Variants in IGF1 observed in about 807,000 individuals in gnomAD.
IGF1 encodes the protein insulin-like growth factor 1.
IGF1 carries 4 observed loss-of-function variants against 13.8 expected under a neutral mutation model. The ratio of observed to expected loss-of-function variants is 0.29; its 90% CI spans 0.14 to 0.66. IGF1 has a LOEUF of 0.66. IGF1 is among the 30% of genes least tolerant of loss of function. IGF1 has a pLI of 0.78. For missense variants in IGF1, 124 were observed against 188.5 expected, an observed-to-expected ratio of 0.66 and a Z score of 2.00; for synonymous variants, 76 against 72.6, an observed-to-expected ratio of 1.05 and a Z score of -0.23.
chr12:102,467,493 A>G (rs1289039915), intron 2 of IGF1, among the ~76,000 whole-genome samples: 3 of 152,238 alleles, frequency 2.0e-5, no homozygotes, highest in African/African-American at 7.2e-5. Context: ...GAGAGTGACC[A>G]TAGAGTCAGA....
chr12:102,453,173 A>G (rs1217864574), intron 2 of IGF1, among the ~76,000 whole-genome samples: 1 of 152,200 alleles, frequency 6.6e-6, no homozygotes, highest in Non-Finnish European at 1.5e-5. Flanking sequence ...GCATTCTTTT[A>G]CAGTCAAGCA....
At chr12:102,415,441 C>T (rs2136981633) in intron 3 of IGF1, among the ~76,000 whole-genome samples, 1 of 152,208 alleles carries the variant, frequency 6.6e-6, no homozygotes, top group South Asian at 2.1e-4. Flanking sequence ...AAGATAATTG[C>T]TTTAGAGTTG....
chr12:102,423,403 T>A (rs1036064770), intron 2 of IGF1, among the ~76,000 whole-genome samples: 1 of 151,906 alleles, frequency 6.6e-6, no homozygotes, highest in Non-Finnish European at 1.5e-5. Context: ...TAGGCATGTA[T>A]AACATTCCAC....
At chr12:102,441,927 T>TCTTCTTCTTCTCCTTCTC (rs1877818349) in intron 2 of IGF1, among the ~76,000 whole-genome samples, 1 of 127,746 alleles carries the variant, frequency 7.8e-6, no homozygotes, top group Admixed American at 9.3e-5. Context: ...TTCTTCTTCT[T>TCTTCTTCTTCTCCTTCTC]CTTCTTCTTC....
chr12:102,444,156 G>T (rs975611230), intron 2 of IGF1, among the ~76,000 whole-genome samples: 1 of 152,018 alleles, frequency 6.6e-6, no homozygotes, highest in African/African-American at 2.4e-5. Context: ...GGCAGGCATT[G>T]GTGCTGCTAT....
intron 1 of IGF1, among the ~76,000 whole-genome samples, chr12:102,477,680 A>G (rs1286290145): frequency 6.6e-6 from 1 of 151,960 alleles, no homozygotes; most frequent in Non-Finnish European, 1.5e-5. Context: ...GCATACCCCC[A>G]CACTGCGGGA....
At chr12:102,414,029 T>G (rs943980446) in intron 3 of IGF1, among the ~76,000 whole-genome samples, 7 of 152,228 alleles carry the variant, frequency 4.6e-5, no homozygotes, top group Admixed American at 3.3e-4. Flanking sequence ...TGGCTTCTAC[T>G]TCAGGAGACC....
chr12:102,443,305 T>C (rs760895490), intron 2 of IGF1, among the ~76,000 whole-genome samples: 1 of 152,116 alleles, frequency 6.6e-6, no homozygotes, highest in Non-Finnish European at 1.5e-5. Flanking sequence ...GGATCCTTCA[T>C]TAAAAGACAA....
intron 3 of IGF1, among the ~76,000 whole-genome samples, chr12:102,414,310 A>G (rs373517112): frequency 6.6e-6 from 1 of 152,302 alleles, no homozygotes; most frequent in South Asian, 2.1e-4. Flanking sequence ...TGAGGCACAC[A>G]TAAGTTACAT....
intron 2 of IGF1, among the ~76,000 whole-genome samples, chr12:102,420,203 G>A (rs1164617043): frequency 1.3e-5 from 2 of 152,130 alleles, no homozygotes; most frequent in Non-Finnish European, 2.9e-5. Context: ...TGAAAACTGA[G>A]ACTCAGAGGT....
chr12:102,468,563 C>A (rs1396200009), intron 2 of IGF1, among the ~76,000 whole-genome samples: 1 of 152,200 alleles, frequency 6.6e-6, no homozygotes, highest in Non-Finnish European at 1.5e-5. Flanking sequence ...TCAAATAACA[C>A]CTCTTTGCTA....
intron 3 of IGF1, among the ~76,000 whole-genome samples, chr12:102,409,870 TCTTTTTAATTTA>T (rs554412318): frequency 8.3e-4 from 127 of 152,370 alleles, no homozygotes; most frequent in African/African-American, 2.9e-3. Context: ...CTATTATGAT[TCTTTTTAATTTA>T]CTTTTTAATT....
At chr12:102,475,887 A>G (rs1566009748) in intron 1 of IGF1, 88 bp from the exon 2 acceptor site, 4 of 1,316,586 alleles carry the variant, frequency 3.0e-6, no homozygotes, top group Non-Finnish European at 4.3e-6. Flanking sequence ...GACTCCCACG[A>G]TTCCACGACT....
At chr12:102,425,710 G>A (rs1298549832) in intron 2 of IGF1, among the ~76,000 whole-genome samples, 1 of 152,212 alleles carries the variant, frequency 6.6e-6, no homozygotes, top group Admixed American at 6.5e-5. Flanking sequence ...AACAGCAAGA[G>A]ATTCAAAGCA....
intron 2 of IGF1, among the ~76,000 whole-genome samples, chr12:102,444,259 T>C (rs918714384): frequency 1.3e-5 from 2 of 152,024 alleles, no homozygotes; most frequent in South Asian, 2.1e-4. Flanking sequence ...TTTTTTTTTT[T>C]TCTACCTAAC....
chr12:102,448,982 C>T (rs373946263), intron 2 of IGF1, among the ~76,000 whole-genome samples: 12 of 152,254 alleles, frequency 7.9e-5, no homozygotes, highest in Non-Finnish European at 1.0e-4. Flanking sequence ...TTGTGGAAGA[C>T]GGTGTGGCGA....
chr12:102,443,499 G>A (rs1878040858), intron 2 of IGF1, among the ~76,000 whole-genome samples: 2 of 152,152 alleles, frequency 1.3e-5, no homozygotes, highest in Admixed American at 1.3e-4. Context: ...CACAGCAGAT[G>A]GTTCAGCAGC....
intron 1 of IGF1, among the ~76,000 whole-genome samples, chr12:102,476,086 T>A (rs562142919): frequency 6.6e-6 from 1 of 152,236 alleles, no homozygotes; most frequent in South Asian, 2.1e-4. Flanking sequence ...AGACAAAATA[T>A]CTAGAAACGT....
In IGF1 at chr12:102,401,821, T is replaced by C. The variant is rs1388110365; in HGVS notation, c.*686A>G. 1 of 152,672 alleles carries C rather than the reference T, an allele frequency of 6.5e-6. No individual in the cohort carries two copies. The highest frequency in any genetic ancestry group is 2.4e-5 in the African/African-American group (1 of 41,466). 9.5% of individuals were successfully genotyped at this position (152,672 alleles called of 1,614,324 possible). On this transcript the variant is annotated 3_prime_UTR_variant, in exon 4 of 4. Coordinates refer to ENST00000337514, the MANE Select transcript of IGF1 (RefSeq NM_000618.5). ...AAATGATTGGCCTCAAAGTTGCAACTATTTGCATTATTCTTTTTTGTAAGC... is the reference window on the plus strand; with the variant it reads ...AAATGATTGGCCTCAAAGTTGCAACCATTTGCATTATTCTTTTTTGTAAGC...
Sources: gnomAD v4.1 joint callset for allele counts (sites outside exome capture counted in the v4.1 genomes callset) on GRCh38, gnomAD v4.1.1 for gene constraint, MANE v1.5 for transcripts, NCBI Gene and HGNC (gene_info 2026-07-23, HGNC 2026-07-21) for gene names.